FBXO25: variants seen among roughly 807,000 people sequenced by gnomAD.
The protein encoded by FBXO25 is F-box only protein 25.
In FBXO25, 45 loss-of-function variants were observed where a neutral mutation model predicts 51.9. That is an observed-to-expected ratio of 0.87 (90% CI 0.68 to 1.11). The LOEUF (loss-of-function observed/expected upper bound fraction) is 1.11. FBXO25 is among the 50% of genes most tolerant of loss of function. The probability of loss-of-function intolerance (pLI) is 0.00; values close to 1 mark genes in which losing one functional copy is unlikely to be tolerated. For missense variants in FBXO25, 507 were observed against 428.5 expected (o/e 1.18, Z -1.62); for synonymous variants, 199 against 151.0 (o/e 1.32, Z -2.33).
At position 477,257 on chromosome 8, in the gene FBXO25, G is replaced by A. The variant is rs1248496762; in HGVS notation, c.*8453G>A. ...ACTTGAGAAAAACGTGTGTACTGCT[G>A]TTGTGTCTGTTAGGTCCAGCTGGTA... On this transcript the variant is annotated 3_prime_UTR_variant, in exon 10 of 10. Coordinates refer to ENST00000350302, the MANE Select transcript of FBXO25 (RefSeq NM_183420.2). 6.6e-6 allele frequency: 1 copy of A among 152,204 alleles called. No individual in the cohort carries two copies. Among genetic ancestry groups the A allele is most frequent in the African/African-American group, 2.4e-5 (1 of 41,438 alleles). The allele number at this position is 152,204 out of a possible 1,614,324, so 9.4% of individuals were successfully genotyped here.
rs1016569202 is a variant in FBXO25 at position 470,030 on chromosome 8, A to G, written c.*1226A>G. 1 of 152,198 alleles carries G rather than the reference A, an allele frequency of 6.6e-6. No homozygotes were observed. Among genetic ancestry groups the G allele is most frequent in the Non-Finnish European group, 1.5e-5 (1 of 68,040 alleles). The allele number at this position is 152,198 out of a possible 1,614,324, so 9.4% of individuals were successfully genotyped here. A position where few individuals can be genotyped will look rare whatever the true frequency, so the allele number is the denominator to read the frequency against. Reference sequence around the variant, plus strand: ...ATATATGTTAGTTTTTCATAAGACCATAAATGTCCCGTATACCACTGTTAC... The same window carrying G: ...ATATATGTTAGTTTTTCATAAGACCGTAAATGTCCCGTATACCACTGTTAC... On this transcript the variant is annotated 3_prime_UTR_variant, in exon 10 of 10. Coordinates refer to ENST00000350302, the MANE Select transcript of FBXO25 (RefSeq NM_183420.2).
At chr8:444,781 T>C (rs371420047) in intron 5 of FBXO25, among the ~76,000 whole-genome samples, 14 of 152,186 alleles carry the variant, frequency 9.2e-5, no homozygotes, top group African/African-American at 2.4e-4. Flanking sequence ...TATTTAGATA[T>C]ACAGATACTT....
At position 432,941 on chromosome 8, in the gene FBXO25, T is replaced by G. The variant is rs1400655305; in HGVS notation, c.288+6T>G. 1.9e-6 allele frequency: 3 copies of G among 1,554,356 alleles called. No homozygotes were observed. Reference sequence around the variant, plus strand: ...ATAAAGAAAGCACAAAGGAAGTAAGTATTCTATTATAAATATGAGAGTATC... The same window carrying G: ...ATAAAGAAAGCACAAAGGAAGTAAGGATTCTATTATAAATATGAGAGTATC... On this transcript the variant is annotated splice_donor_region_variant and intron_variant, in intron 4 of 9. Transcript: ENST00000350302.
chr8:432,197 C>G (rs6981190), intron 3 of FBXO25, among the ~76,000 whole-genome samples: 6,372 of 152,060 alleles, frequency 0.042, 223 homozygotes, highest in Admixed American at 0.094. Context: ...ACAGGTGATC[C>G]GATAACCAAG....
At chr8:422,221 C>T (rs1797199890) in intron 2 of FBXO25, among the ~76,000 whole-genome samples, 1 of 152,152 alleles carries the variant, frequency 6.6e-6, no homozygotes, top group Non-Finnish European at 1.5e-5. Context: ...AGACACTGCC[C>T]CAACCAAGAA....
intron 2 of FBXO25, among the ~76,000 whole-genome samples, chr8:418,330 G>GTTTTTTTTTTTT (rs1796934500): frequency 4.8e-5 from 5 of 104,610 alleles, no homozygotes; most frequent in African/African-American, 1.0e-4. Context: ...TCGTTTGTTT[G>GTTTTTTTTTTTT]TTCTTTTTTT....
At chr8:462,040 G>A (rs983589506) in intron 8 of FBXO25, among the ~76,000 whole-genome samples, 1 of 152,312 alleles carries the variant, frequency 6.6e-6, no homozygotes, top group Admixed American at 6.5e-5. Flanking sequence ...GAGTCATATG[G>A]TGGATTCTGT....
At chr8:411,383 G>A (rs1584994247) in intron 1 of FBXO25, among the ~76,000 whole-genome samples, 3 of 151,476 alleles carry the variant, frequency 2.0e-5, no homozygotes, top group South Asian at 2.1e-4. Context: ...TTTCTTCTTG[G>A]CTTATATCTG....
At position 461,841 on chromosome 8, in the gene FBXO25, C is replaced by G. The variant is rs546161269; in HGVS notation, c.844-1166C>G. Among the ~76,000 whole-genome samples, 494 of 152,328 alleles carry G rather than the reference C, an allele frequency of 3.2e-3. 1 individual carries two copies. Among genetic ancestry groups the G allele is most frequent in the African/African-American group, 0.011 (476 of 41,566 alleles). ...TTGTAGAATAAATCAGAGCTTCATTCAAGACTGAATAATATCCCCCTCTAT... is the reference window on the plus strand; with the variant it reads ...TTGTAGAATAAATCAGAGCTTCATTGAAGACTGAATAATATCCCCCTCTAT... On this transcript the variant is annotated intron_variant, in intron 8 of 9. Transcript: ENST00000350302.
chr8:448,059 G>T (rs1798849389), intron 5 of FBXO25, among the ~76,000 whole-genome samples: 2 of 152,118 alleles, frequency 1.3e-5, no homozygotes, highest in African/African-American at 4.8e-5. Flanking sequence ...TAATAAGAAT[G>T]AAACCGTAAT....
At chr8:462,277 T>A (rs1197236767) in intron 8 of FBXO25, among the ~76,000 whole-genome samples, 1 of 152,262 alleles carries the variant, frequency 6.6e-6, no homozygotes, top group African/African-American at 2.4e-5. Flanking sequence ...TTTCTGAGAC[T>A]TATTTAGATA....
intron 2 of FBXO25, among the ~76,000 whole-genome samples, chr8:429,061 G>A (rs1563072509): frequency 8.2e-6 from 1 of 122,404 alleles, no homozygotes; most frequent in Non-Finnish European, 1.7e-5. Context: ...ATACCCAGAA[G>A]TGGAATTGTT....
At chr8:434,016 A>C (rs1393524927) in intron 4 of FBXO25, among the ~76,000 whole-genome samples, 1 of 152,212 alleles carries the variant, frequency 6.6e-6, no homozygotes, top group African/African-American at 2.4e-5. Context: ...CTGATTACAG[A>C]ACAGAGGATC....
At chr8:453,055 T>C (rs998356657) in intron 7 of FBXO25, among the ~76,000 whole-genome samples, 2 of 152,222 alleles carry the variant, frequency 1.3e-5, no homozygotes, top group Non-Finnish European at 2.9e-5. Flanking sequence ...GGGATGGTTC[T>C]TACAGCCCTG....
chr8:467,145 A>G (rs547269200), intron 9 of FBXO25, among the ~76,000 whole-genome samples: 3 of 152,168 alleles, frequency 2.0e-5, no homozygotes, highest in African/African-American at 7.2e-5. Context: ...AGCATCCTGA[A>G]CCAGCGGGGG....
intron 5 of FBXO25, among the ~76,000 whole-genome samples, chr8:446,547 G>T (rs1178199616): frequency 6.6e-6 from 1 of 152,054 alleles, no homozygotes; most frequent in African/African-American, 2.4e-5. Flanking sequence ...GATAACCTCA[G>T]TTGGCCTGAA....
At chr8:449,133 G>C (rs1259183737) in intron 5 of FBXO25, among the ~76,000 whole-genome samples, 1 of 152,206 alleles carries the variant, frequency 6.6e-6, no homozygotes, top group Non-Finnish European at 1.5e-5. Flanking sequence ...ACTCCAAGTT[G>C]TACGTAAGAA....
intron 9 of FBXO25, 146 bp from the exon 10 acceptor site, chr8:468,569 T>G (rs555850208): frequency 1.1e-4 from 66 of 610,854 alleles, no homozygotes; most frequent in Admixed American, 6.8e-4. Context: ...CTTGTGTTGG[T>G]CATTCTCATC....
rs531816628 is a variant in FBXO25 at position 421,275 on chromosome 8, C to G, written c.134+8062C>G. Reference sequence around the variant, plus strand: ...CAGTTTCATCCTGAAACCATCCCCCCTCCTCGCCCCAGTCTGTGGAAAAAG... The same window carrying G: ...CAGTTTCATCCTGAAACCATCCCCCGTCCTCGCCCCAGTCTGTGGAAAAAG... On this transcript the variant is annotated intron_variant, in intron 2 of 9. Transcript: ENST00000350302. Among the ~76,000 whole-genome samples, 5 of 152,340 alleles carry G rather than the reference C, an allele frequency of 3.3e-5. No individual in the cohort carries two copies. The South Asian group carries it at 1.0e-3, about 32-fold the overall frequency.
Sources: allele counts gnomAD v4.1 joint callset (sites outside exome capture counted in the v4.1 genomes callset), GRCh38; gene constraint gnomAD v4.1.1; transcripts MANE v1.5; gene names NCBI Gene and HGNC (gene_info 2026-07-23, HGNC 2026-07-21).